CD109: variants seen among roughly 807,000 people sequenced by gnomAD.
CD109 encodes CD109 molecule.
CD109 carries 149 observed loss-of-function variants against 165.8 expected under a neutral mutation model. The ratio of observed to expected loss-of-function variants is 0.90; its 90% CI spans 0.79 to 1.03. CD109 has a LOEUF of 1.03. Ranked by LOEUF, CD109 falls within the 50% of genes least tolerant of loss-of-function variation. The pLI, the probability that CD109 is intolerant of heterozygous loss-of-function variation, is 0.00. For missense variants in CD109, 1,712 were observed against 1,677.8 expected (o/e 1.02, Z -0.36); for synonymous variants, 585 against 592.1 (o/e 0.99, Z 0.18).
intron 2 of CD109, among the ~76,000 whole-genome samples, chr6:73,714,604 C>G (rs1033826580): frequency 1.5e-4 from 23 of 152,224 alleles, no homozygotes; most frequent in Admixed American, 1.3e-3. Context: ...TGTTTCAGAT[C>G]TTGGAATCAA....
chr6:73,764,741 G>T (rs554876933), intron 10 of CD109, among the ~76,000 whole-genome samples: 15 of 151,778 alleles, frequency 9.9e-5, no homozygotes, highest in African/African-American at 3.2e-4. Flanking sequence ...GCTTGAACCC[G>T]GGAGGCGGAG....
intron 21 of CD109, 30 bp from the exon 22 acceptor site, chr6:73,788,438 C>T (rs1264726569): frequency 6.3e-7 from 1 of 1,595,996 alleles, no homozygotes; most frequent in Non-Finnish European, 8.5e-7. Context: ...GAGTAGAGAC[C>T]ATGTTAATTG....
Position 73,812,190 on chromosome 6 carries a change from T to G in CD109, c.3703-15T>G. 1 of 1,593,784 alleles carries G rather than the reference T, an allele frequency of 6.3e-7. No individual in the cohort carries two copies. Among genetic ancestry groups the G allele is most frequent in the South Asian group, 1.1e-5 (1 of 88,456 alleles). ...GGAAAATTAGCCTCATTCACTTTTTTTCACCTTGATTCAGCTTGCTGTGGT... is the reference window on the plus strand; with the variant it reads ...GGAAAATTAGCCTCATTCACTTTTTGTCACCTTGATTCAGCTTGCTGTGGT... On this transcript the variant is annotated splice_polypyrimidine_tract_variant and intron_variant, in intron 28 of 32. Coordinates refer to ENST00000287097, the MANE Select transcript of CD109 (RefSeq NM_133493.5).
intron 24 of CD109, 118 bp from the exon 25 acceptor site, chr6:73,806,726 A>G: frequency 1.5e-6 from 1 of 668,628 alleles, no homozygotes; most frequent in Non-Finnish European, 2.5e-6. Flanking sequence ...ATCTTCAGTG[A>G]TTCCCCCTTT....
At chr6:73,739,961 TG>T (rs1412100166) in intron 5 of CD109, among the ~76,000 whole-genome samples, 1 of 152,216 alleles carries the variant, frequency 6.6e-6, no homozygotes, top group Non-Finnish European at 1.5e-5. Context: ...CTCGAACTCC[TG>T]GGCTCAAGTG....
intron 3 of CD109, among the ~76,000 whole-genome samples, chr6:73,730,073 A>G (rs1682970101): frequency 6.6e-6 from 1 of 152,176 alleles, no homozygotes; most frequent in African/African-American, 2.4e-5. Context: ...TTGCACTTGG[A>G]ATAGGAAATG....
At chr6:73,746,986 T>A (rs576045344) in intron 5 of CD109, among the ~76,000 whole-genome samples, 2 of 152,338 alleles carry the variant, frequency 1.3e-5, no homozygotes, top group South Asian at 4.1e-4. Context: ...GAGAACACAG[T>A]CATCAGATGG....
chr6:73,766,333 A>C (rs1309750722), intron 11 of CD109, among the ~76,000 whole-genome samples, 179 bp downstream of exon 11: 1 of 152,116 alleles, frequency 6.6e-6, no homozygotes, highest in Admixed American at 6.5e-5. Flanking sequence ...GGTTAGACTA[A>C]ATTTTTCCTT....
rs1002023783 is a variant in CD109, at chr6:73,824,824, T to C, written c.*1191T>C. ...CCCTTTTTTCTTTTCTTCTCTCTTT[T>C]CTTTCCTTCTCCCTTTCTTCTTTGC... On this transcript the variant is annotated 3_prime_UTR_variant, in exon 33 of 33. Transcript: ENST00000287097. 1 of 152,200 alleles carries C rather than the reference T, an allele frequency of 6.6e-6. No homozygotes were observed. Among genetic ancestry groups the C allele is most frequent in the Non-Finnish European group, 1.5e-5 (1 of 68,044 alleles). 9.4% of individuals were successfully genotyped at this position (152,200 alleles called of 1,614,324 possible).
the CD109 span, among the ~76,000 whole-genome samples, chr6:73,679,941 G>A: frequency 2.6e-5 from 4 of 152,104 alleles, no homozygotes; most frequent in Admixed American, 6.6e-5. Flanking sequence ...GGGTATAGAT[G>A]TTTTTCAGTG....
intron 22 of CD109, among the ~76,000 whole-genome samples, chr6:73,790,106 T>A (rs1290180493): frequency 2.0e-5 from 3 of 150,788 alleles, no homozygotes; most frequent in Non-Finnish European, 3.0e-5. Flanking sequence ...GTCCTTTTTT[T>A]TTTTTTGAGA....
At chr6:73,791,207 A>G (rs1281919462) in intron 22 of CD109, among the ~76,000 whole-genome samples, 3 of 126,926 alleles carry the variant, frequency 2.4e-5, no homozygotes, top group South Asian at 5.0e-4. Context: ...ATATATATAT[A>G]TATATATATA....
Position 73,741,166 on chromosome 6 carries a change from A to T in CD109, c.633+4658A>T, listed in dbSNP as rs370044193. Among the ~76,000 whole-genome samples, 42 of 152,144 alleles carry T rather than the reference A, an allele frequency of 2.8e-4. No homozygotes were observed. In the East Asian group the frequency reaches 7.0e-3, roughly 25 times the overall value. On this transcript the variant is annotated intron_variant, in intron 5 of 32. Transcript: ENST00000287097. ...GAAACTCTTGATGATTATAATGTTT[A>T]AGACCTCTTAAAATCAGTAAAGTTT...
At chr6:73,796,768 T>C (rs1380365495) in intron 23 of CD109, among the ~76,000 whole-genome samples, 1 of 152,198 alleles carries the variant, frequency 6.6e-6, no homozygotes, top group African/African-American at 2.4e-5. Context: ...TGGGCACTAA[T>C]GGGTCGACCT....
At chr6:73,704,167 A>G (rs1582033157) in intron 2 of CD109, among the ~76,000 whole-genome samples, 1 of 150,488 alleles carries the variant, frequency 6.6e-6, no homozygotes. Flanking sequence ...GTGACAGAGC[A>G]AGACTCCATC....
intron 30 of CD109, among the ~76,000 whole-genome samples, chr6:73,816,672 G>A (rs3005496): frequency 0.58 from 88,504 of 151,590 alleles, 26,633 homozygotes; most frequent in African/African-American, 0.74. Flanking sequence ...CAAAAAAGAT[G>A]CAAGCTCTGC....
intron 10 of CD109, among the ~76,000 whole-genome samples, chr6:73,765,481 A>G (rs1262075126): frequency 6.6e-6 from 1 of 152,138 alleles, no homozygotes; most frequent in South Asian, 2.1e-4. Context: ...CCAAGTAGAA[A>G]TTTCCTGCAG....
At chr6:73,708,311 C>T (rs1032033533) in intron 2 of CD109, among the ~76,000 whole-genome samples, 16 of 152,042 alleles carry the variant, frequency 1.1e-4, no homozygotes, top group Non-Finnish European at 2.4e-4. Context: ...ATCCATGTCC[C>T]TACAAAGGAC....
intron 10 of CD109, 98 bp downstream of exon 10, chr6:73,763,783 C>A: frequency 3.6e-6 from 2 of 554,848 alleles, no homozygotes; most frequent in Non-Finnish European, 6.0e-6. Flanking sequence ...AAAATTTAAG[C>A]CAAAAAGTAT....
Sources: gnomAD v4.1 joint callset for allele counts (sites outside exome capture counted in the v4.1 genomes callset) on GRCh38, gnomAD v4.1.1 for gene constraint, MANE v1.5 for transcripts, NCBI Gene and HGNC (gene_info 2026-07-23, HGNC 2026-07-21) for gene names.